The following ACSF3 variants were observed in gnomAD, a reference collection of about 807,000 sequenced individuals.
ACSF3 encodes malonate--CoA ligase ACSF3, mitochondrial.
Under a neutral mutation model 53.2 loss-of-function variants are expected in ACSF3, and 78 were observed. The ratio of observed to expected loss-of-function variants is 1.47; its 90% CI spans 1.22 to 1.77. The LOEUF (loss-of-function observed/expected upper bound fraction) is 1.77, where lower values mean the gene tolerates loss of function less well. ACSF3 is among the 40% of genes most tolerant of loss of function. The pLI is 0.00. For synonymous variants in ACSF3, 414 were observed against 333.1 expected (o/e 1.24, Z -2.65); for missense variants, 937 against 771.1 (o/e 1.22, Z -2.55).
At chr16:89,134,681 G>T (rs891159156) in intron 8 of ACSF3, among the ~76,000 whole-genome samples, 7 of 152,222 alleles carry the variant, frequency 4.6e-5, no homozygotes, top group African/African-American at 1.7e-4. Flanking sequence ...CTCCTGCTGT[G>T]CTCTGAGGAG....
intron 4 of ACSF3, among the ~76,000 whole-genome samples, chr16:89,103,504 T>G (rs564512936): frequency 6.6e-6 from 1 of 152,370 alleles, no homozygotes; most frequent in Non-Finnish European, 1.5e-5. Flanking sequence ...CAGGGCTCCC[T>G]CGGCTTCCCT....
chr16:89,141,275 G>A (rs1253688666), intron 8 of ACSF3: 11 of 1,287,156 alleles, frequency 8.5e-6, no homozygotes, highest in South Asian at 7.4e-5. Flanking sequence ...ACAGCAAGGC[G>A]GGTGAGGCGG....
intron 8 of ACSF3, among the ~76,000 whole-genome samples, chr16:89,133,761 G>T (rs974972911): frequency 6.6e-6 from 1 of 152,258 alleles, no homozygotes; most frequent in Non-Finnish European, 1.5e-5. Context: ...TTGGTTTGCA[G>T]TGCGGCTGTT....
intron 2 of ACSF3, among the ~76,000 whole-genome samples, chr16:89,100,293 C>G (rs1975120259): frequency 6.6e-6 from 1 of 152,266 alleles, no homozygotes; most frequent in Non-Finnish European, 1.5e-5. Context: ...TCTGCACTTC[C>G]CCCTCTCACG....
intron 8 of ACSF3, among the ~76,000 whole-genome samples, chr16:89,138,565 G>A (rs577670546): frequency 5.9e-5 from 9 of 152,350 alleles, no homozygotes; most frequent in Admixed American, 2.0e-4. Context: ...ATCCGGCAGA[G>A]GGACCTCGCT....
At chr16:89,142,835 T>C (rs1355523650) in intron 8 of ACSF3, among the ~76,000 whole-genome samples, 1 of 152,072 alleles carries the variant, frequency 6.6e-6, no homozygotes, top group Non-Finnish European at 1.5e-5. Context: ...GGAGACGGGG[T>C]CTCGCAGTGG....
chr16:89,118,227 T>G lies in ACSF3; in HGVS notation c.1127-2574T>G, dbSNP rs1905690352. ...TCTCTAAGGCAGAGCATACGGCAGT[T>G]TCCCTGGGGCGCCGGGGACGCTCCC... On this transcript the variant is annotated intron_variant, in intron 6 of 10. Transcript: ENST00000614302. Among the ~76,000 whole-genome samples, 3 of 151,494 alleles carry G rather than the reference T, an allele frequency of 2.0e-5. No individual in the cohort carries two copies. In the South Asian group the frequency reaches 6.2e-4, roughly 31 times the overall value.
intron 8 of ACSF3, among the ~76,000 whole-genome samples, chr16:89,135,710 G>A (rs561360943): frequency 1.9e-4 from 29 of 152,360 alleles, no homozygotes; most frequent in African/African-American, 6.7e-4. Context: ...CTTGCTCTGA[G>A]CATCCCTCCA....
intron 8 of ACSF3, among the ~76,000 whole-genome samples, chr16:89,133,673 C>T (rs1054927352): frequency 1.3e-5 from 2 of 152,260 alleles, no homozygotes; most frequent in Non-Finnish European, 2.9e-5. Flanking sequence ...GAGACCTCAC[C>T]ACCCCCACGC....
chr16:89,144,307 G>A (rs1346314495), intron 8 of ACSF3, among the ~76,000 whole-genome samples: 2 of 152,246 alleles, frequency 1.3e-5, no homozygotes, highest in East Asian at 3.8e-4. Flanking sequence ...AGGAGCAAGG[G>A]CCACGTCGTG....
At chr16:89,102,783 G>C in intron 4 of ACSF3, 24 bp downstream of exon 4, 1 of 1,599,794 alleles carries the variant, frequency 6.3e-7, no homozygotes, top group African/African-American at 1.4e-5. Context: ...AGGGCTCTCG[G>C]TTGCACCCTC....
At chr16:89,118,141 C>G (rs1293323671) in intron 6 of ACSF3, among the ~76,000 whole-genome samples, 2 of 150,338 alleles carry the variant, frequency 1.3e-5, no homozygotes, top group East Asian at 2.0e-4. Flanking sequence ...CGGGGACGCT[C>G]TCTCTTCTCT....
chr16:89,124,611 G>T (rs968807747), intron 7 of ACSF3, among the ~76,000 whole-genome samples: 1 of 151,500 alleles, frequency 6.6e-6, no homozygotes, highest in South Asian at 2.1e-4. Flanking sequence ...CATGCACTGC[G>T]TGTATGTGTG....
chr16:89,123,185 C>T (rs530013528), intron 7 of ACSF3, among the ~76,000 whole-genome samples: 1 of 152,288 alleles, frequency 6.6e-6, no homozygotes, highest in Admixed American at 6.5e-5. Context: ...CAAGACCCTT[C>T]GTGGGGAGGA....
chr16:89,110,819 C>G (rs1255013412), intron 4 of ACSF3, among the ~76,000 whole-genome samples: 1 of 152,140 alleles, frequency 6.6e-6, no homozygotes, highest in African/African-American at 2.4e-5. Context: ...TATCTGTTCC[C>G]CTCCCTCCCT....
At position 89,145,962 on chromosome 16, in the gene ACSF3, A is replaced by C; in HGVS notation, c.1526A>C (p.Asp509Ala). Residue 509 changes from aspartate to alanine, a missense_variant, in exon 10 of 11, where the codon GAT becomes GCT. Coordinates refer to ENST00000614302, the MANE Select transcript of ACSF3 (RefSeq NM_001243279.3). ...GATGTGGCTGTGATTGGAGTTCCGG[A>C]TATGACATGGGGCCAGCGGGTCACT... ...ITDVAVIGVP[D>A]MTWGQRVTAV... 1 of 1,610,540 alleles carries C rather than the reference A, an allele frequency of 6.2e-7. No homozygotes were observed. Among genetic ancestry groups the C allele is most frequent in the South Asian group, 1.1e-5 (1 of 91,038 alleles).
Position 89,154,501 on chromosome 16 carries a change from G to A in ACSF3, c.*294G>A, listed in dbSNP as rs572102231. The A allele has an allele frequency of 1.9e-5, 11 of 564,184 alleles. No individual in the cohort carries two copies. The highest frequency in any genetic ancestry group is 6.6e-5 in the Admixed American group (3 of 45,602). 34.9% of individuals were successfully genotyped at this position (564,184 alleles called of 1,614,324 possible). ...GGCCCCACGTGCTGAGGCACCTCCC[G>A]CCCCACAGTGCCCTGCAGTTGCCAG... On this transcript the variant is annotated 3_prime_UTR_variant, in exon 11 of 11. Transcript: ENST00000614302.
Position 89,155,118 on chromosome 16 carries a change from A to C in ACSF3, c.*911A>C, listed in dbSNP as rs954069587. 8 of 453,994 alleles carry C rather than the reference A, an allele frequency of 1.8e-5. No individual in the cohort carries two copies. The highest frequency in any genetic ancestry group is 3.1e-5 in the Non-Finnish European group (7 of 226,798). The allele number at this position is 453,994 out of a possible 1,614,324, so 28.1% of individuals were successfully genotyped here. A position where few individuals can be genotyped will look rare whatever the true frequency, so the allele number is the denominator to read the frequency against. ...TGAATGTTGGGTGCACCCACGTTGC[A>C]TTTACTTAGCGGGGCCAATTCAGAT... On this transcript the variant is annotated 3_prime_UTR_variant, in exon 11 of 11. Coordinates refer to ENST00000614302, the MANE Select transcript of ACSF3 (RefSeq NM_001243279.3).
At chr16:89,146,119 G>A in intron 10 of ACSF3, 70 bp downstream of exon 10, 1 of 1,131,134 alleles carries the variant, frequency 8.8e-7, no homozygotes, top group Non-Finnish European at 1.3e-6. Context: ...GGCCACCCTA[G>A]GTATTGGCAT....
Sources: gnomAD v4.1 joint callset for allele counts (sites outside exome capture counted in the v4.1 genomes callset) on GRCh38, gnomAD v4.1.1 for gene constraint, MANE v1.5 for transcripts, NCBI Gene and HGNC (gene_info 2026-07-23, HGNC 2026-07-21) for gene names.